Variants in PELI2 observed in about 807,000 individuals in gnomAD.
The protein encoded by PELI2 is pellino E3 ubiquitin protein ligase family member 2.
A neutral mutation model predicts 42.3 loss-of-function variants in PELI2; 23 were observed. The ratio of observed to expected loss-of-function variants is 0.54; its 90% confidence interval spans 0.39 to 0.77. PELI2 has a LOEUF of 0.77. Among genes scored for constraint, PELI2 ranks in the 30% least tolerant of loss-of-function variants. The pLI, the probability that PELI2 is intolerant of heterozygous loss-of-function variation, is 0.00. For missense variants in PELI2, 463 were observed against 553.2 expected (o/e 0.84, Z 1.64); for synonymous variants, 245 against 212.2 (o/e 1.15, Z -1.34).
At chr14:56,259,737 A>G (rs1888649720) in intron 2 of PELI2, among the ~76,000 whole-genome samples, 1 of 152,186 alleles carries the variant, frequency 6.6e-6, no homozygotes, top group Admixed American at 6.5e-5. Context: ...ATCCTACAGT[A>G]GAAACAAAAC....
intron 2 of PELI2, among the ~76,000 whole-genome samples, chr14:56,182,450 A>G (rs1885621108): frequency 6.6e-6 from 1 of 152,180 alleles, no homozygotes; most frequent in African/African-American, 2.4e-5. Flanking sequence ...CTGGTGCCTA[A>G]TAGGAAATAT....
At chr14:56,156,041 T>C (rs1884554842) in intron 1 of PELI2, among the ~76,000 whole-genome samples, 1 of 152,222 alleles carries the variant, frequency 6.6e-6, no homozygotes, top group Non-Finnish European at 1.5e-5. Flanking sequence ...CATCCGTGTT[T>C]TGTTTCTGAT....
Position 56,296,880 on chromosome 14 carries a change from G to GT in PELI2, c.978dup (p.Asp327Ter). Reference sequence around the variant, plus strand: ...GGGTACCACAACTGGGGCCATCGGAGTGACACGGAGGCCAACGAGAGGGAG... The same window carrying GT: ...GGGTACCACAACTGGGGCCATCGGAGTTGACACGGAGGCCAACGAGAGGGAG... On this transcript the variant is annotated frameshift_variant, in exon 6 of 6. Transcript: ENST00000267460. LOFTEE classifies it high-confidence loss of function. 6.2e-7 allele frequency: 1 copy of GT among 1,614,218 alleles called. No individual in the cohort carries two copies. The highest frequency in any genetic ancestry group is 8.5e-7 in the Non-Finnish European group (1 of 1,180,038).
At chr14:56,204,624 A>T (rs778962563) in intron 2 of PELI2, among the ~76,000 whole-genome samples, 21 of 151,958 alleles carry the variant, frequency 1.4e-4, no homozygotes, top group Non-Finnish European at 2.8e-4. Flanking sequence ...TTTGGGTAAG[A>T]TTAGGGAGTT....
intron 2 of PELI2, among the ~76,000 whole-genome samples, chr14:56,225,225 T>C (rs1298061487): frequency 6.6e-6 from 1 of 152,100 alleles, no homozygotes; most frequent in African/African-American, 2.4e-5. Context: ...AACTTTGGAC[T>C]TCAGAGGCAC....
At chr14:56,289,601 T>TCCCCACCACC in intron 4 of PELI2, among the ~76,000 whole-genome samples, 1 of 151,888 alleles carries the variant, frequency 6.6e-6, no homozygotes, top group African/African-American at 2.4e-5. Context: ...TAATCAGGAT[T>TCCCCACCACC]CCCCACCACC....
chr14:56,149,920 G>C (rs1337618360), intron 1 of PELI2, among the ~76,000 whole-genome samples: 1 of 152,032 alleles, frequency 6.6e-6, no homozygotes, highest in Non-Finnish European at 1.5e-5. Flanking sequence ...TTTTGGTACT[G>C]TTCGGAGATT....
chr14:56,291,775 C>G (rs1212267456), intron 5 of PELI2, among the ~76,000 whole-genome samples: 3 of 152,206 alleles, frequency 2.0e-5, no homozygotes, highest in African/African-American at 7.2e-5. Context: ...CAGCAGCCCT[C>G]TTAGGGAAGT....
chr14:56,191,884 T>C (rs1359808613), intron 2 of PELI2, among the ~76,000 whole-genome samples: 1 of 152,176 alleles, frequency 6.6e-6, no homozygotes, highest in Non-Finnish European at 1.5e-5. Flanking sequence ...ACCCAGGCTG[T>C]ACTCACACTG....
chr14:56,265,251 G>A (rs1888857480), intron 2 of PELI2, among the ~76,000 whole-genome samples: 1 of 152,112 alleles, frequency 6.6e-6, no homozygotes, highest in Admixed American at 6.6e-5. Context: ...TAAAGCTACA[G>A]TAATTAAGAC....
intron 1 of PELI2, among the ~76,000 whole-genome samples, chr14:56,125,637 G>A (rs995579184): frequency 3.3e-5 from 5 of 152,078 alleles, no homozygotes; most frequent in South Asian, 2.1e-4. Context: ...AAGAGGCAAC[G>A]TATATAAGCA....
chr14:56,155,408 A>G (rs1350482546), intron 1 of PELI2, among the ~76,000 whole-genome samples: 4 of 152,090 alleles, frequency 2.6e-5, no homozygotes, highest in African/African-American at 9.7e-5. Context: ...GCTTGAAACA[A>G]TTCTTTTCTT....
intron 2 of PELI2, among the ~76,000 whole-genome samples, chr14:56,194,707 A>T (rs760302450): frequency 6.6e-6 from 1 of 152,198 alleles, no homozygotes; most frequent in Non-Finnish European, 1.5e-5. Context: ...TGGTAACTGG[A>T]TAAGGCAGCC....
chr14:56,287,998 A>C (rs900015102), intron 3 of PELI2, among the ~76,000 whole-genome samples: 5 of 152,170 alleles, frequency 3.3e-5, no homozygotes, highest in Non-Finnish European at 7.4e-5. Context: ...TCCAAGAGAT[A>C]AAATCTGATG....
chr14:56,236,889 T>C (rs966644397), intron 2 of PELI2, among the ~76,000 whole-genome samples: 1 of 152,202 alleles, frequency 6.6e-6, no homozygotes, highest in African/African-American at 2.4e-5. Flanking sequence ...AGATTTGAGA[T>C]AGGCAACTTT....
chr14:56,203,102 T>C (rs915081287), intron 2 of PELI2, among the ~76,000 whole-genome samples: 6 of 152,196 alleles, frequency 3.9e-5, no homozygotes, highest in African/African-American at 1.4e-4. Flanking sequence ...AATAGTATTG[T>C]GATTATGTAG....
intron 2 of PELI2, among the ~76,000 whole-genome samples, chr14:56,247,240 T>C (rs1245336479): frequency 1.3e-5 from 2 of 152,234 alleles, no homozygotes; most frequent in Non-Finnish European, 2.9e-5. Context: ...CTGTATACAA[T>C]GCTTAAACTA....
chr14:56,237,811 T>C (rs1400830885), intron 2 of PELI2, among the ~76,000 whole-genome samples: 2 of 151,750 alleles, frequency 1.3e-5, no homozygotes, highest in Admixed American at 6.6e-5. Flanking sequence ...GTCTGTGTCT[T>C]TCTGTGTAGC....
chr14:56,149,923 C>G (rs1043654565), intron 1 of PELI2, among the ~76,000 whole-genome samples: 1 of 152,026 alleles, frequency 6.6e-6, no homozygotes, highest in African/African-American at 2.4e-5. Flanking sequence ...TGGTACTGTT[C>G]GGAGATTTAA....
Sources: gnomAD v4.1 joint callset for allele counts (sites outside exome capture counted in the v4.1 genomes callset) on GRCh38, gnomAD v4.1.1 for gene constraint, MANE v1.5 for transcripts, NCBI Gene and HGNC (gene_info 2026-07-23, HGNC 2026-07-21) for gene names.